Variants in PAM observed in about 807,000 individuals in gnomAD.
PAM encodes the protein peptidylglycine alpha-amidating monooxygenase.
A neutral mutation model predicts 122.1 loss-of-function variants in PAM; 72 were observed. That is an observed-to-expected ratio of 0.59 (90% CI 0.49 to 0.72). The LOEUF (loss-of-function observed/expected upper bound fraction) is 0.72. Ranked by LOEUF, PAM falls within the 30% of genes least tolerant of loss-of-function variation. The pLI, the probability that PAM is intolerant of heterozygous loss-of-function variation, is 0.00. For missense variants in PAM, 1,106 were observed against 1,183.7 expected (o/e 0.93, Z 0.96); for synonymous variants, 389 against 404.4 (o/e 0.96, Z 0.46).
chr5:102,798,145 G>T (rs1763836447), intron 1 of PAM, among the ~76,000 whole-genome samples: 1 of 152,108 alleles, frequency 6.6e-6, no homozygotes, highest in Non-Finnish European at 1.5e-5. Context: ...TTGTCAGTGT[G>T]TATCACACTG....
At chr5:102,799,296 G>A (rs1764110800) in intron 1 of PAM, among the ~76,000 whole-genome samples, 1 of 152,172 alleles carries the variant, frequency 6.6e-6, no homozygotes, top group Non-Finnish European at 1.5e-5. Context: ...AGAAACCAGA[G>A]AACATGCCAG....
At chr5:102,901,521 A>G (rs769876371) in intron 4 of PAM, 108 bp downstream of exon 4, 3 of 684,754 alleles carry the variant, frequency 4.4e-6, no homozygotes, top group Non-Finnish European at 8.0e-6. Flanking sequence ...TTTTACTGTC[A>G]GTTTCTAAAA....
At chr5:102,774,900 TCTC>T (rs1756764525) in intron 1 of PAM, among the ~76,000 whole-genome samples, 1 of 152,034 alleles carries the variant, frequency 6.6e-6, no homozygotes, top group African/African-American at 2.4e-5. Flanking sequence ...TTCAATGTCT[TCTC>T]TTTTTTATTT....
chr5:102,998,180 G>A (rs144981638), intron 16 of PAM, among the ~76,000 whole-genome samples: 7 of 152,326 alleles, frequency 4.6e-5, no homozygotes, highest in East Asian at 3.9e-4. Context: ...AATTGTAGGA[G>A]TGCTATTTCC....
intron 4 of PAM, among the ~76,000 whole-genome samples, chr5:102,912,099 T>C (rs1801584422): frequency 6.6e-6 from 1 of 152,058 alleles, no homozygotes; most frequent in Non-Finnish European, 1.5e-5. Flanking sequence ...CATCCAACCA[T>C]TTAATTCTTG....
intron 3 of PAM, among the ~76,000 whole-genome samples, chr5:102,868,748 T>A (rs902382934): frequency 6.6e-6 from 1 of 152,196 alleles, no homozygotes; most frequent in African/African-American, 2.4e-5. Context: ...CATTATTTTA[T>A]CAAATAGTCT....
At chr5:102,950,416 G>GGGTATGTGTGTGTGTGTGTGTGT (rs372626572) in intron 11 of PAM, among the ~76,000 whole-genome samples, 85 of 146,062 alleles carry the variant, frequency 5.8e-4, no homozygotes, top group African/African-American at 2.1e-3. Context: ...TATGTGGGTG[G>GGGTATGTGTGTGTGTGTGTGTGT]GTGTGTGTGT....
intron 1 of PAM, among the ~76,000 whole-genome samples, chr5:102,856,697 A>C (rs1166599244): frequency 6.6e-6 from 1 of 152,206 alleles, no homozygotes; most frequent in Non-Finnish European, 1.5e-5. Flanking sequence ...CATGGAAACA[A>C]AAAATAAAAT....
intron 12 of PAM, 27 bp from the exon 13 acceptor site, chr5:102,959,848 T>A: frequency 1.9e-6 from 3 of 1,546,250 alleles, no homozygotes; most frequent in Non-Finnish European, 2.7e-6. Flanking sequence ...GAATAGTTGA[T>A]TTGTTATATC....
intron 1 of PAM, among the ~76,000 whole-genome samples, chr5:102,767,550 A>G (rs182139408): frequency 1.1e-3 from 167 of 152,318 alleles, no homozygotes; most frequent in South Asian, 7.5e-3. Flanking sequence ...TAAGAAGCCT[A>G]TTGTAGGAAT....
chr5:103,011,153 T>G (rs555550347), intron 21 of PAM, among the ~76,000 whole-genome samples: 13 of 152,254 alleles, frequency 8.5e-5, no homozygotes, highest in Admixed American at 2.0e-4. Context: ...GCTTCTAATT[T>G]GAATATTACC....
intron 1 of PAM, among the ~76,000 whole-genome samples, chr5:102,855,426 A>G (rs992431745): frequency 9.9e-5 from 15 of 152,236 alleles, no homozygotes; most frequent in Admixed American, 3.9e-4. Context: ...AATGGAAAAC[A>G]TAAGAATCAT....
At chr5:102,800,333 C>G (rs1764376808) in intron 1 of PAM, among the ~76,000 whole-genome samples, 1 of 152,158 alleles carries the variant, frequency 6.6e-6, no homozygotes, top group South Asian at 2.1e-4. Flanking sequence ...TCCAGTCACT[C>G]TGTGGTATGG....
chr5:102,809,468 A>G (rs1220041160), intron 1 of PAM, among the ~76,000 whole-genome samples: 1 of 152,220 alleles, frequency 6.6e-6, no homozygotes, highest in Non-Finnish European at 1.5e-5. Context: ...GAAAAAGAAC[A>G]AGAGTAGAGT....
intron 9 of PAM, 69 bp downstream of exon 9, chr5:102,948,514 A>G: frequency 1.3e-6 from 1 of 742,028 alleles, no homozygotes; most frequent in Non-Finnish European, 2.3e-6. Context: ...TTTATACTGT[A>G]TTTTTTATAA....
intron 1 of PAM, among the ~76,000 whole-genome samples, chr5:102,819,593 A>G (rs1483675834): frequency 6.6e-6 from 1 of 152,142 alleles, no homozygotes; most frequent in Non-Finnish European, 1.5e-5. Context: ...CCTTAAAAGA[A>G]ACAATGTAAA....
intron 1 of PAM, among the ~76,000 whole-genome samples, chr5:102,791,165 A>G (rs1761960626): frequency 6.6e-6 from 1 of 152,088 alleles, no homozygotes; most frequent in Non-Finnish European, 1.5e-5. Context: ...TGCTGTTATA[A>G]ATGACACTCT....
chr5:102,897,437 T>C (rs948090304), intron 3 of PAM, among the ~76,000 whole-genome samples: 1 of 151,700 alleles, frequency 6.6e-6, no homozygotes, highest in African/African-American at 2.4e-5. Flanking sequence ...TTAATATTCA[T>C]ATACATGGTG....
At chr5:102,772,766 G>A (rs751560713) in intron 1 of PAM, among the ~76,000 whole-genome samples, 5 of 152,012 alleles carry the variant, frequency 3.3e-5, no homozygotes, top group South Asian at 2.1e-4. Flanking sequence ...TTTATGTGAC[G>A]GATGTTGATG....
Sources: gnomAD v4.1 joint callset for allele counts (sites outside exome capture counted in the v4.1 genomes callset) on GRCh38, gnomAD v4.1.1 for gene constraint, MANE v1.5 for transcripts, NCBI Gene and HGNC (gene_info 2026-07-23, HGNC 2026-07-21) for gene names.